Variants in GET1 observed in about 807,000 individuals in gnomAD.
GET1 encodes congenital heart disease 5 protein.
GET1 carries 20 observed loss-of-function variants against 22.6 expected under a neutral mutation model. That is an observed-to-expected ratio of 0.89 (90% CI 0.62 to 1.29). The LOEUF (loss-of-function observed/expected upper bound fraction) is 1.29, where lower values mean the gene tolerates loss of function less well. Among genes scored for constraint, GET1 ranks in the 50% most tolerant of loss-of-function variants. GET1 has a pLI of 0.00. For missense variants in GET1, 209 were observed against 219.9 expected (o/e 0.95, Z 0.31); for synonymous variants, 92 against 83.8 (o/e 1.10, Z -0.53).
At chr21:39,397,943 G>A (rs935948793), downstream of GET1, 1 of 152,140 alleles carries the variant, frequency 6.6e-6, no homozygotes. Flanking sequence ...CTAATAAGTA[G>A]TTTGTTGTTA....
chr21:39,385,094 C>T (rs537723473), intron 1 of GET1, among the ~76,000 whole-genome samples: 3 of 152,156 alleles, frequency 2.0e-5, no homozygotes, highest in East Asian at 3.9e-4. Context: ...ATCACAGCCT[C>T]TCTGATTTGA....
chr21:39,396,784 T>C, intron 4 of GET1, 82 bp from the exon 5 acceptor site: 2 of 1,245,118 alleles, frequency 1.6e-6, no homozygotes, highest in Non-Finnish European at 2.4e-6. Context: ...AATACTCTCT[T>C]TGCTGTGAGT....
intron 4 of GET1, 32 bp downstream of exon 4, chr21:39,393,312 G>C: frequency 6.5e-7 from 1 of 1,530,308 alleles, no homozygotes; most frequent in Non-Finnish European, 9.1e-7. Flanking sequence ...CAGTGGAAGA[G>C]TGTGAATAGG....
downstream of GET1, among the ~76,000 whole-genome samples, chr21:39,407,607 G>T (rs2039307328): frequency 1.3e-5 from 2 of 152,214 alleles, no homozygotes; most frequent in Non-Finnish European, 2.9e-5. Flanking sequence ...ATTCCAGGCA[G>T]TTATTATAGA....
At chr21:39,384,954 T>A (rs563121571) in intron 1 of GET1, among the ~76,000 whole-genome samples, 1 of 152,276 alleles carries the variant, frequency 6.6e-6, no homozygotes, top group East Asian at 1.9e-4. Context: ...ACACCCACCC[T>A]GTAATCGGTA....
chr21:39,383,343 G>A (rs1027075032), intron 1 of GET1, among the ~76,000 whole-genome samples: 1 of 147,736 alleles, frequency 6.8e-6, no homozygotes, highest in African/African-American at 2.5e-5. Context: ...GTGCAATGGC[G>A]CAATCTCAGC....
Position 39,393,251 on chromosome 21 carries a change from G to T in GET1, c.422G>T (p.Arg141Leu), listed in dbSNP as rs138689773. The T allele has an allele frequency of 6.2e-7, 1 of 1,614,126 alleles. No individual in the cohort carries two copies. The highest frequency in any genetic ancestry group is 8.5e-7 in the Non-Finnish European group (1 of 1,179,992). Residue 141 changes from arginine (R) to leucine (L), a missense_variant, in exon 4 of 5, where the codon CGC becomes CTC. Coordinates refer to ENST00000649170, the MANE Select transcript of GET1 (RefSeq NM_004627.6). ...AGTAAATGGATAACCCCTCTAGACC[G>T]CCTGGTAGCCTTTCCTACTAGAGTA... ...VPSKWITPLD[R>L]LVAFPTRVAG...
rs2038705867 is a variant in GET1 at position 39,397,098 on chromosome 21, A to T, written c.*159A>T. 9.5e-6 allele frequency: 7 copies of T among 735,854 alleles called. No homozygotes were observed. Among genetic ancestry groups the T allele is most frequent in the Non-Finnish European group, 1.5e-5 (7 of 459,326 alleles). 45.6% of individuals were successfully genotyped at this position (735,854 alleles called of 1,614,324 possible). A position where few individuals can be genotyped will look rare whatever the true frequency, so the allele number is the denominator to read the frequency against. ...TTCTTGGACTTTATGAGAGAGTCTT[A>T]TAAGAATCACGATTTTCTACACCTG... On this transcript the variant is annotated 3_prime_UTR_variant, in exon 5 of 5. Coordinates refer to ENST00000649170, the MANE Select transcript of GET1 (RefSeq NM_004627.6).
At chr21:39,412,249 C>G (rs372484164) in intron 1 of GET1, among the ~76,000 whole-genome samples, 12 of 152,272 alleles carry the variant, frequency 7.9e-5, no homozygotes, top group East Asian at 7.7e-4. Context: ...TTGGATGGCA[C>G]AGGTGAACAT....
At chr21:39,425,313 AAACAATG>A (rs1254824385) in intron 1 of GET1, among the ~76,000 whole-genome samples, 2 of 152,224 alleles carry the variant, frequency 1.3e-5, no homozygotes, top group Non-Finnish European at 2.9e-5. Flanking sequence ...CCTGTGATAG[AAACAATG>A]AACCAAGAGA....
intron 1 of GET1, among the ~76,000 whole-genome samples, chr21:39,388,775 C>T (rs2038095765): frequency 6.6e-6 from 1 of 152,182 alleles, no homozygotes; most frequent in African/African-American, 2.4e-5. Flanking sequence ...CCGACTCCTC[C>T]GTTGCGCTCC....
intron 1 of GET1, among the ~76,000 whole-genome samples, chr21:39,384,247 GTTA>G (rs561748949): frequency 9.9e-5 from 15 of 151,050 alleles, no homozygotes; most frequent in Admixed American, 5.3e-4. Context: ...TTTTGTTGTT[GTTA>G]TTATTATTAT....
intron 4 of GET1, among the ~76,000 whole-genome samples, chr21:39,395,440 C>T (rs1170260980): frequency 1.3e-5 from 2 of 151,868 alleles, no homozygotes; most frequent in African/African-American, 4.8e-5. Flanking sequence ...TCTCTGCTCA[C>T]TGCAACTTCC....
At chr21:39,424,761 TTGGC>T (rs1314614755) in intron 1 of GET1, among the ~76,000 whole-genome samples, 1 of 152,214 alleles carries the variant, frequency 6.6e-6, no homozygotes, top group Non-Finnish European at 1.5e-5. Flanking sequence ...TCCTGTTACT[TTGGC>T]TGGGCACCAA....
rs61739352 is a variant in GET1, at chr21:39,380,433, T to C, written c.49T>C (p.Phe17Leu). Residue 17 changes from phenylalanine to leucine, a missense_variant, in exon 1 of 5, where the codon TTC becomes CTC. Physicochemically the swap from Phe to Leu is conservative, Grantham distance 22. Coordinates refer to ENST00000649170, the MANE Select transcript of GET1 (RefSeq NM_004627.6). ...DHWAWLLVLS[F>L]VFGCNVLRIL... ...CTGGGCGTGGTTGCTGGTGCTCAGC[T>C]TCGTGTTTGGATGCAATGTTCTTAG... is the stretch of plus-strand genomic sequence containing the variant. 1,471 of 1,613,100 alleles carry C rather than the reference T, an allele frequency of 9.1e-4. 2 individuals are homozygous for C. The highest frequency in any genetic ancestry group is 1.2e-3 in the Non-Finnish European group (1,393 of 1,179,682).
rs549808891 is a variant in GET1, at chr21:39,420,358, CT to C, written c.*24-7873del. 1.5e-3 allele frequency among the ~76,000 whole-genome samples: 225 copies of C among 152,084 alleles called. 1 individual carries two copies. The highest frequency in any genetic ancestry group is 5.1e-3 in the African/African-American group (213 of 41,498). On this transcript the variant is annotated intron_variant, in intron 1 of 1. Transcript: ENST00000478273. The stretch of plus-strand genomic sequence containing the variant: ...CCAACACGGCAAAAGCCCGTCTCTA[CT>C]AAAAATAACAAAAATTAGCCAAGCG...
Position 39,397,091 on chromosome 21 carries a change from G to C in GET1, c.*152G>C, listed in dbSNP as rs1060180. 1 of 764,980 alleles carries C rather than the reference G, an allele frequency of 1.3e-6. No homozygotes were observed. The highest frequency in any genetic ancestry group is 2.7e-5 in the East Asian group (1 of 37,232). The allele number at this position is 764,980 out of a possible 1,614,324, so 47.4% of individuals were successfully genotyped here. A position where few individuals can be genotyped will look rare whatever the true frequency, so the allele number is the denominator to read the frequency against. On this transcript the variant is annotated 3_prime_UTR_variant, in exon 5 of 5. Coordinates refer to ENST00000649170, the MANE Select transcript of GET1 (RefSeq NM_004627.6). ...ATGTTTGTTCTTGGACTTTATGAGA[G>C]AGTCTTATAAGAATCACGATTTTCT... is the stretch of plus-strand genomic sequence containing the variant.
chr21:39,386,395 A>C (rs919468337), intron 1 of GET1: 1 of 152,232 alleles, frequency 6.6e-6, no homozygotes, highest in African/African-American at 2.4e-5. Context: ...GTGACTCAGA[A>C]GCGCGCTTGT....
intron 1 of GET1, among the ~76,000 whole-genome samples, chr21:39,414,495 T>C (rs1293691442): frequency 6.6e-6 from 1 of 152,186 alleles, no homozygotes; most frequent in Non-Finnish European, 1.5e-5. Flanking sequence ...AAACTATGAC[T>C]TTCGTTAATG....
Sources: allele counts gnomAD v4.1 joint callset (sites outside exome capture counted in the v4.1 genomes callset), GRCh38; gene constraint gnomAD v4.1.1; transcripts MANE v1.5; gene names NCBI Gene and HGNC (gene_info 2026-07-23, HGNC 2026-07-21).